TNFSF4: variants seen among roughly 807,000 people sequenced by gnomAD.
TNFSF4 encodes tumor necrosis factor ligand superfamily member 4.
TNFSF4 carries 4 observed loss-of-function variants against 7.3 expected under a neutral mutation model. That is an observed-to-expected ratio of 0.55 (90% CI 0.27 to 1.25). The LOEUF (loss-of-function observed/expected upper bound fraction) is 1.25. TNFSF4 is among the 50% of genes most tolerant of loss of function. TNFSF4 has a pLI of 0.12. For synonymous variants in TNFSF4, 76 were observed against 83.7 expected (o/e 0.91, Z 0.50); for missense variants, 181 against 208.8 (o/e 0.87, Z 0.82).
the TNFSF4 span, among the ~76,000 whole-genome samples, chr1:173,259,019 C>G: frequency 2.6e-5 from 4 of 152,098 alleles, no homozygotes; most frequent in Non-Finnish European, 5.9e-5. Flanking sequence ...AGCAGGTCCC[C>G]GATCCTATGC....
the TNFSF4 span, chr1:173,362,918 T>A: frequency 2.1e-6 from 1 of 470,614 alleles, no homozygotes; most frequent in Non-Finnish European, 4.2e-6. Context: ...ATCTATAATG[T>A]ACTCGTGCAC....
At chr1:173,326,765 C>T in the TNFSF4 span, among the ~76,000 whole-genome samples, 1 of 152,072 alleles carries the variant, frequency 6.6e-6, no homozygotes, top group Admixed American at 6.5e-5. Flanking sequence ...CTCCCATTCA[C>T]AATTGCTTCA....
chr1:173,312,198 A>C, the TNFSF4 span, among the ~76,000 whole-genome samples: 63 of 152,248 alleles, frequency 4.1e-4, no homozygotes, highest in Middle Eastern at 3.4e-3. Context: ...ACAGATTTAC[A>C]ACCCACTAGC....
the TNFSF4 span, among the ~76,000 whole-genome samples, chr1:173,296,883 T>C: frequency 6.6e-6 from 1 of 151,910 alleles, no homozygotes; most frequent in Non-Finnish European, 1.5e-5. Flanking sequence ...GAACCCAACA[T>C]CCAGCTTACC....
the TNFSF4 span, among the ~76,000 whole-genome samples, chr1:173,245,449 TTG>T: frequency 6.6e-6 from 1 of 152,234 alleles, no homozygotes; most frequent in East Asian, 1.9e-4. Context: ...TTGTTTCGTT[TTG>T]TGTGTCCCTT....
At chr1:173,250,361 A>C in the TNFSF4 span, among the ~76,000 whole-genome samples, 1 of 152,248 alleles carries the variant, frequency 6.6e-6, no homozygotes, top group African/African-American at 2.4e-5. Flanking sequence ...AGAATATAGA[A>C]ATAGAGGTTA....
the TNFSF4 span, among the ~76,000 whole-genome samples, chr1:173,302,997 G>A: frequency 2.0e-5 from 3 of 151,840 alleles, no homozygotes; most frequent in Non-Finnish European, 2.9e-5. Context: ...AGGATTCCTA[G>A]TGTAACAATT....
At chr1:173,281,928 T>C in the TNFSF4 span, among the ~76,000 whole-genome samples, 1 of 152,136 alleles carries the variant, frequency 6.6e-6, no homozygotes, top group African/African-American at 2.4e-5. Context: ...CAAAGCCAAG[T>C]GTGTCCAACT....
At chr1:173,318,775 C>T in the TNFSF4 span, among the ~76,000 whole-genome samples, 14 of 152,058 alleles carry the variant, frequency 9.2e-5, no homozygotes, top group Non-Finnish European at 8.8e-5. Context: ...CCAAGATGAC[C>T]GAATAGGAAC....
At chr1:173,430,422 A>C in the TNFSF4 span, among the ~76,000 whole-genome samples, 5 of 152,340 alleles carry the variant, frequency 3.3e-5, no homozygotes, top group South Asian at 1.0e-3. Flanking sequence ...TGGCATAGTT[A>C]GTTGAGACAA....
downstream of TNFSF4, among the ~76,000 whole-genome samples, chr1:173,180,040 AT>A (rs571478329): frequency 8.9e-4 from 135 of 152,058 alleles, no homozygotes; most frequent in African/African-American, 3.0e-3. Flanking sequence ...AGACCATCCC[AT>A]TTTTTTCTCA....
the TNFSF4 span, among the ~76,000 whole-genome samples, chr1:173,176,868 G>A: frequency 6.6e-6 from 1 of 152,092 alleles, no homozygotes; most frequent in African/African-American, 2.4e-5. Context: ...AACTAATCCA[G>A]GAAAAGAAAG....
intron 1 of TNFSF4, among the ~76,000 whole-genome samples, 182 bp downstream of exon 1, chr1:173,206,842 G>A (rs909720847): frequency 5.9e-5 from 9 of 152,136 alleles, no homozygotes. Flanking sequence ...TGCCACTGCT[G>A]AAAAGAAGGA....
At position 173,185,692 on chromosome 1, in the gene TNFSF4, GATGTCCAGTTCC is replaced by G. The variant is rs1238101511; in HGVS notation, c.*812_*823del. 1 of 152,154 alleles carries G rather than the reference GATGTCCAGTTCC, an allele frequency of 6.6e-6. No individual in the cohort carries two copies. The highest frequency in any genetic ancestry group is 1.5e-5 in the Non-Finnish European group (1 of 68,028). The allele number at this position is 152,154 out of a possible 1,614,324, so 9.4% of individuals were successfully genotyped here. On this transcript the variant is annotated 3_prime_UTR_variant, in exon 3 of 3. Transcript: ENST00000281834. The stretch of plus-strand genomic sequence containing the variant: ...AAATCCGTACTGACTTTTACCCTGA[GATGTCCAGTTCC>G]CTGCTATCCTGTACAGTAAAGCTAA...
chr1:173,274,124 TACACACACACAC>T, the TNFSF4 span, among the ~76,000 whole-genome samples: 1 of 145,426 alleles, frequency 6.9e-6, no homozygotes, highest in Non-Finnish European at 1.5e-5. Flanking sequence ...TCCATGTTCA[TACACACACACAC>T]ACACACACAC....
At chr1:173,178,911 GGAAA>G (rs1157157035), downstream of TNFSF4, among the ~76,000 whole-genome samples, 1 of 152,098 alleles carries the variant, frequency 6.6e-6, no homozygotes, top group Non-Finnish European at 1.5e-5. Flanking sequence ...ACTGTAGAAA[GGAAA>G]GAAAGCAATG....
upstream of TNFSF4, among the ~76,000 whole-genome samples, chr1:173,209,757 C>T (rs57092065): frequency 0.05 from 7,574 of 152,244 alleles, 626 homozygotes; most frequent in African/African-American, 0.17. Flanking sequence ...CCTGCCTTGG[C>T]CTCCCAAAGC....
At chr1:173,243,914 T>A in the TNFSF4 span, among the ~76,000 whole-genome samples, 311 of 152,312 alleles carry the variant, frequency 2.0e-3, 1 homozygote, top group African/African-American at 7.2e-3. Flanking sequence ...CTCTGTCACC[T>A]TAGAGTAGGC....
the TNFSF4 span, among the ~76,000 whole-genome samples, chr1:173,260,706 A>G: frequency 6.6e-6 from 1 of 152,244 alleles, no homozygotes; most frequent in Non-Finnish European, 1.5e-5. Context: ...CTGACAAAAC[A>G]GACTTTAAAC....
Sources: allele counts gnomAD v4.1 joint callset (sites outside exome capture counted in the v4.1 genomes callset), GRCh38; gene constraint gnomAD v4.1.1; transcripts MANE v1.5; gene names NCBI Gene and HGNC (gene_info 2026-07-23, HGNC 2026-07-21).